MACROH2A1: variants seen among roughly 807,000 people sequenced by gnomAD.
MACROH2A1 encodes core histone macro-H2A.1.
In MACROH2A1, 2 loss-of-function variants were observed where a neutral mutation model predicts 31.6. The observed-to-expected ratio is 0.06, with a 90% CI of 0.03 to 0.20. MACROH2A1 has a LOEUF of 0.20. Ranked by LOEUF, MACROH2A1 falls within the 10% of genes least tolerant of loss-of-function variation. The pLI, the probability that MACROH2A1 is intolerant of heterozygous loss-of-function variation, is 1.00. For missense variants in MACROH2A1, 230 were observed against 474.0 expected (o/e 0.49, Z 4.78); for synonymous variants, 169 against 189.6 (o/e 0.89, Z 0.89).
At chr5:135,394,571 T>C (rs1366625745) in intron 1 of MACROH2A1, among the ~76,000 whole-genome samples, 1 of 152,220 alleles carries the variant, frequency 6.6e-6, no homozygotes, top group African/African-American at 2.4e-5. Flanking sequence ...AGGCTGCCCC[T>C]ATTCTTTAAT....
chr5:135,335,674 A>C (rs1456713163), intron 8 of MACROH2A1, among the ~76,000 whole-genome samples: 1 of 152,184 alleles, frequency 6.6e-6, no homozygotes, highest in Non-Finnish European at 1.5e-5. Flanking sequence ...GAACGCAGGG[A>C]GCTGTGGGCT....
intron 2 of MACROH2A1, among the ~76,000 whole-genome samples, chr5:135,384,534 C>T (rs1766127436): frequency 6.6e-6 from 1 of 152,202 alleles, no homozygotes; most frequent in Non-Finnish European, 1.5e-5. Context: ...ATAAACTGCA[C>T]AAGGATTGGC....
In MACROH2A1 at chr5:135,389,137, G is replaced by A. The variant is rs755504147; in HGVS notation, c.-33-11C>T. The stretch of plus-strand genomic sequence containing the variant: ...GGATCAGTGAGCACACTGTGAAGGC[G>A]AGAGGCACACCGGTCAGGGTGGCTG... On this transcript the variant is annotated splice_polypyrimidine_tract_variant and intron_variant, in intron 1 of 8. Transcript: ENST00000511689. 6.5e-5 allele frequency: 103 copies of A among 1,584,336 alleles called. No homozygotes were observed. The highest frequency in any genetic ancestry group is 3.5e-4 in the Middle Eastern group (2 of 5,670).
intron 2 of MACROH2A1, among the ~76,000 whole-genome samples, chr5:135,373,950 C>A (rs992310206): frequency 3.9e-5 from 6 of 152,098 alleles, no homozygotes; most frequent in African/African-American, 1.4e-4. Flanking sequence ...ACCATAGTAA[C>A]CCCATCGTTA....
intron 5 of MACROH2A1, chr5:135,354,530 A>AT (rs1761945628): frequency 6.4e-6 from 1 of 155,906 alleles, no homozygotes; most frequent in African/African-American, 2.4e-5. Flanking sequence ...TGCTCCTCGC[A>AT]CTATAGAGTG....
intron 1 of MACROH2A1, among the ~76,000 whole-genome samples, chr5:135,394,981 G>A (rs1288011223): frequency 2.6e-5 from 4 of 152,160 alleles, no homozygotes; most frequent in Admixed American, 1.3e-4. Flanking sequence ...GGACATTCAT[G>A]TACATACACC....
chr5:135,370,103 T>A lies in MACROH2A1; in HGVS notation c.212A>T (p.Asn71Ile). The change falls in exon 3 of 9, where the codon AAC becomes ATC. Residue 71 changes from asparagine to isoleucine, a missense_variant. Transcript: ENST00000511689. Reference sequence around the variant, plus strand: ...CCGGGGTGTGACCCGTCCCTTCTTGTTGTCTCTCGCTGCATTGCCAGCCAG... The same window carrying A: ...CCGGGGTGTGACCCGTCCCTTCTTGATGTCTCTCGCTGCATTGCCAGCCAG... Reference protein sequence around the residue: ...LELAGNAARDNKKGRVTPRHI... With the variant: ...LELAGNAARDIKKGRVTPRHI... 1 of 1,613,822 alleles carries A rather than the reference T, an allele frequency of 6.2e-7. No homozygotes were observed. Among genetic ancestry groups the A allele is most frequent in the Non-Finnish European group, 8.5e-7 (1 of 1,179,870 alleles).
chr5:135,374,976 A>G (rs890006786), intron 2 of MACROH2A1, among the ~76,000 whole-genome samples: 5 of 152,228 alleles, frequency 3.3e-5, no homozygotes, highest in Non-Finnish European at 7.3e-5. Flanking sequence ...TTTGTTACCA[A>G]TGACCAATAC....
In MACROH2A1 at chr5:135,334,972, C is replaced by A; in HGVS notation, c.*4G>T. ...TGGTGCAGCTGGTTCTGTCATTGCTCAGCCTAGTTGGCGTCCAGCTTGGCC... is the reference window on the plus strand; with the variant it reads ...TGGTGCAGCTGGTTCTGTCATTGCTAAGCCTAGTTGGCGTCCAGCTTGGCC... On this transcript the variant is annotated 3_prime_UTR_variant, in exon 9 of 9. Transcript: ENST00000511689. The A allele has an allele frequency of 6.2e-7, 1 of 1,612,018 alleles. No individual in the cohort carries two copies. Among genetic ancestry groups the A allele is most frequent in the Non-Finnish European group, 8.5e-7 (1 of 1,178,412 alleles).
intron 2 of MACROH2A1, among the ~76,000 whole-genome samples, chr5:135,379,249 C>T (rs1053737379): frequency 1.3e-5 from 2 of 152,186 alleles, no homozygotes; most frequent in Non-Finnish European, 2.9e-5. Flanking sequence ...GAGGGTATCT[C>T]AGCACCAGGC....
At chr5:135,382,796 C>T (rs2149919706) in intron 2 of MACROH2A1, among the ~76,000 whole-genome samples, 1 of 152,322 alleles carries the variant, frequency 6.6e-6, no homozygotes, top group South Asian at 2.1e-4. Flanking sequence ...GACCGCTGGC[C>T]TTGGGAGAGC....
intron 6 of MACROH2A1, chr5:135,347,405 G>C (rs1760983513): frequency 6.6e-6 from 1 of 152,262 alleles, no homozygotes; most frequent in Non-Finnish European, 1.5e-5. Context: ...TAGCCCAGGG[G>C]AGCTCTCAGC....
intron 2 of MACROH2A1, among the ~76,000 whole-genome samples, chr5:135,383,008 T>C (rs1765861626): frequency 6.6e-6 from 1 of 152,216 alleles, no homozygotes; most frequent in Non-Finnish European, 1.5e-5. Context: ...GATAGAGAAG[T>C]ACTGGTGGAA....
intron 2 of MACROH2A1, among the ~76,000 whole-genome samples, chr5:135,373,163 G>A (rs1276572507): frequency 6.6e-6 from 1 of 152,194 alleles, no homozygotes; most frequent in African/African-American, 2.4e-5. Flanking sequence ...CAAAACGTTG[G>A]AGGAAGGCCC....
intron 4 of MACROH2A1, among the ~76,000 whole-genome samples, chr5:135,368,271 C>T (rs549099818): frequency 2.0e-5 from 3 of 152,362 alleles, no homozygotes; most frequent in Non-Finnish European, 4.4e-5. Context: ...GAGGCACAGG[C>T]AGGCTCAAAG....
At chr5:135,377,510 G>A (rs1044695308) in intron 2 of MACROH2A1, among the ~76,000 whole-genome samples, 1 of 152,228 alleles carries the variant, frequency 6.6e-6, no homozygotes, top group Non-Finnish European at 1.5e-5. Context: ...CAAAGCGAAA[G>A]AGCGAGGAGC....
intron 5 of MACROH2A1, chr5:135,360,163 G>A: frequency 3.0e-6 from 1 of 328,444 alleles, no homozygotes; most frequent in Non-Finnish European, 5.8e-6. Context: ...ACTTCTGCCT[G>A]ATTCCCTGGC....
In MACROH2A1 at chr5:135,360,483, G is replaced by A. The variant is rs373638064; in HGVS notation, c.588+14C>T. 6.6e-5 allele frequency: 101 copies of A among 1,522,900 alleles called. No individual in the cohort carries two copies. Among genetic ancestry groups the A allele is most frequent in the African/African-American group, 1.2e-4 (9 of 73,092 alleles). The allele number at this position is 1,522,900 out of a possible 1,614,324, so 94.3% of individuals were successfully genotyped here. A position where few individuals can be genotyped will look rare whatever the true frequency, so the allele number is the denominator to read the frequency against. On this transcript the variant is annotated intron_variant, in intron 5 of 8. Transcript: ENST00000511689. ...TGGGGCCCTCGAGTAGACTGAGGCC[G>A]CGCATCTGCCTACCTTCTGGCCAAG...
chr5:135,370,587 G>A (rs1764058951), intron 2 of MACROH2A1, among the ~76,000 whole-genome samples: 1 of 152,212 alleles, frequency 6.6e-6, no homozygotes, highest in African/African-American at 2.4e-5. Flanking sequence ...GAGGAGGCCT[G>A]TTAAATCTTT....
Sources: allele counts gnomAD v4.1 joint callset (sites outside exome capture counted in the v4.1 genomes callset), GRCh38; gene constraint gnomAD v4.1.1; transcripts MANE v1.5; gene names NCBI Gene and HGNC (gene_info 2026-07-23, HGNC 2026-07-21).